ABCA12: variants seen among roughly 807,000 people sequenced by gnomAD.
ABCA12 encodes the protein ATP binding cassette subfamily A member 12.
ABCA12 carries 156 observed loss-of-function variants against 293.5 expected under a neutral mutation model. The observed-to-expected ratio is 0.53, with a 90% CI of 0.47 to 0.61. The LOEUF (loss-of-function observed/expected upper bound fraction) is 0.61. Ranked by LOEUF, ABCA12 falls within the 20% of genes least tolerant of loss-of-function variation. ABCA12 has a pLI of 0.00. For synonymous variants in ABCA12, 1,063 were observed against 1,108.0 expected (o/e 0.96, Z 0.81); for missense variants, 2,797 against 3,090.2 (o/e 0.91, Z 2.25).
At chr2:215,100,015 TC>T (rs1372980609) in intron 2 of ABCA12, among the ~76,000 whole-genome samples, 176 of 112,756 alleles carry the variant, frequency 1.6e-3, no homozygotes, top group African/African-American at 5.1e-3. Context: ...TCTCTCTCTC[TC>T]TTTTTTTTTT....
intron 21 of ABCA12, 35 bp from the exon 22 acceptor site, chr2:215,001,055 A>C: frequency 6.2e-7 from 1 of 1,602,506 alleles, no homozygotes; most frequent in Non-Finnish European, 8.5e-7. Flanking sequence ...CAGAAAGGTT[A>C]TTTTATGGTT....
intron 49 of ABCA12, 116 bp downstream of exon 49, chr2:214,944,885 A>G (rs1273580775): frequency 1.4e-6 from 1 of 735,420 alleles, no homozygotes; most frequent in African/African-American, 1.8e-5. Context: ...ATATATATAT[A>G]TACACACACA....
chr2:215,076,608 T>TTAAACATTTAAACATTTTA (rs1234700247), intron 2 of ABCA12, among the ~76,000 whole-genome samples: 1 of 152,120 alleles, frequency 6.6e-6, no homozygotes, highest in East Asian at 1.9e-4. Flanking sequence ...TGGCCACATT[T>TTAAACATTTAAACATTTTA]GACAAAGTTT....
Position 214,990,741 on chromosome 2 carries a change from T to G in ABCA12, c.3585A>C (p.Thr1195=). 1.2e-6 allele frequency: 2 copies of G among 1,614,064 alleles called. No homozygotes were observed. The highest frequency in any genetic ancestry group is 2.7e-5 in the African/African-American group (2 of 75,030). Residue 1195 remains threonine, a synonymous_variant, in exon 24 of 53, where the codon ACA becomes ACC. Coordinates refer to ENST00000272895, the MANE Select transcript of ABCA12 (RefSeq NM_173076.3). The part of the protein sequence containing the change: ...IAFFPFIVLV[T]VENELSYVLK... Reference sequence around the variant, plus strand: ...ATACATAGCTCAACTCATTCTCCACTGTAACCAGAACAATAAATGGAAAGA... The same window carrying G: ...ATACATAGCTCAACTCATTCTCCACGGTAACCAGAACAATAAATGGAAAGA...
chr2:214,965,074 A>G (rs192079027), intron 39 of ABCA12, among the ~76,000 whole-genome samples: 1 of 152,274 alleles, frequency 6.6e-6, no homozygotes, highest in East Asian at 1.9e-4. Context: ...ATAAGACCAC[A>G]TACCTACGAC....
chr2:214,975,653 T>C (rs1234210919), intron 34 of ABCA12, 132 bp downstream of exon 34: 1 of 1,269,550 alleles, frequency 7.9e-7, no homozygotes, highest in Non-Finnish European at 1.1e-6. Context: ...AAACTGTTCA[T>C]TCCTTTAGCA....
chr2:214,966,528 G>A (rs1464119264), intron 39 of ABCA12, among the ~76,000 whole-genome samples: 1 of 152,114 alleles, frequency 6.6e-6, no homozygotes, highest in Non-Finnish European at 1.5e-5. Flanking sequence ...TTTAAAAATT[G>A]TTTAGCCTAT....
At chr2:215,108,676 A>T (rs1361357594) in intron 2 of ABCA12, among the ~76,000 whole-genome samples, 1 of 152,224 alleles carries the variant, frequency 6.6e-6, no homozygotes, top group African/African-American at 2.4e-5. Context: ...AGCATAAAAG[A>T]CATACATGAG....
Position 215,001,660 on chromosome 2 carries a change from T to C in ABCA12, c.2761A>G (p.Ile921Val). The C allele has an allele frequency of 6.2e-7, 1 of 1,613,764 alleles. No individual in the cohort carries two copies. The highest frequency in any genetic ancestry group is 8.5e-7 in the Non-Finnish European group (1 of 1,179,806). Residue 921 changes from isoleucine (I) to valine (V), a missense_variant, in exon 21 of 53, where the codon ATT (isoleucine) becomes GTT (valine). Transcript: ENST00000272895. ...LNTLSSLTVN[I>V]SSCVLYDRIQ... ...CGGTCATATAATACACAAGAGGAAA[T>C]ATTTACTGTCAGGGAAGATAGTGTG...
At chr2:215,121,362 T>C (rs1419812011) in intron 1 of ABCA12, among the ~76,000 whole-genome samples, 1 of 152,246 alleles carries the variant, frequency 6.6e-6, no homozygotes, top group Non-Finnish European at 1.5e-5. Context: ...GAACTTTTTA[T>C]TGCAAACTTG....
intron 2 of ABCA12, among the ~76,000 whole-genome samples, chr2:215,110,085 C>T (rs769016648): frequency 1.3e-5 from 2 of 152,134 alleles, no homozygotes; most frequent in Non-Finnish European, 1.5e-5. Flanking sequence ...CAACAGTATA[C>T]GGTGGAGTCA....
At chr2:215,136,098 G>A (rs1158306455) in intron 1 of ABCA12, among the ~76,000 whole-genome samples, 4 of 152,100 alleles carry the variant, frequency 2.6e-5, no homozygotes, top group African/African-American at 9.7e-5. Flanking sequence ...AGACTTATCT[G>A]TTCTGGTTTC....
At chr2:214,965,331 G>C (rs1411126379) in intron 39 of ABCA12, among the ~76,000 whole-genome samples, 1 of 152,056 alleles carries the variant, frequency 6.6e-6, no homozygotes, top group Non-Finnish European at 1.5e-5. Flanking sequence ...AAAATTTCAT[G>C]ATGAAAATGC....
At chr2:214,945,949 A>G (rs1469169891) in intron 48 of ABCA12, among the ~76,000 whole-genome samples, 2 of 152,132 alleles carry the variant, frequency 1.3e-5, no homozygotes, top group Non-Finnish European at 2.9e-5. Flanking sequence ...AGGAGGATAG[A>G]GAGAGATTGG....
At chr2:215,057,932 A>T (rs1701451864) in intron 3 of ABCA12, among the ~76,000 whole-genome samples, 1 of 152,078 alleles carries the variant, frequency 6.6e-6, no homozygotes, top group Non-Finnish European at 1.5e-5. Flanking sequence ...AACATTGATT[A>T]CATTCTTATT....
At chr2:214,988,900 C>T (rs928382923) in intron 26 of ABCA12, among the ~76,000 whole-genome samples, 5 of 151,004 alleles carry the variant, frequency 3.3e-5, no homozygotes, top group African/African-American at 4.9e-5. Context: ...AGTTAAAGGC[C>T]GGGCATGGTG....
rs1699449739 is a variant in ABCA12 at position 214,973,980 on chromosome 2, A to G, written c.5531T>C (p.Phe1844Ser). 6.2e-7 allele frequency: 1 copy of G among 1,614,036 alleles called. No individual in the cohort carries two copies. The highest frequency in any genetic ancestry group is 8.5e-7 in the Non-Finnish European group (1 of 1,179,956). Reference sequence around the variant, plus strand: ...ATTTTCTGAGCAGGAGCAAACACCAAAATTAGTGATGGGTTCTCCACTGGT... The same window carrying G: ...ATTTTCTGAGCAGGAGCAAACACCAGAATTAGTGATGGGTTCTCCACTGGT... Reference protein sequence around the residue: ...WNTSGEPITNFGVCSCSENVQ... With the variant: ...WNTSGEPITNSGVCSCSENVQ... Residue 1844 changes from phenylalanine to serine, a missense_variant, in exon 36 of 53, where the codon TTT becomes TCT. Coordinates refer to ENST00000272895, the MANE Select transcript of ABCA12 (RefSeq NM_173076.3).
At chr2:215,116,750 G>A (rs1350181694) in intron 1 of ABCA12, among the ~76,000 whole-genome samples, 11 of 151,850 alleles carry the variant, frequency 7.2e-5, no homozygotes, top group East Asian at 1.9e-4. Context: ...GTGATGAAAC[G>A]GAAAAAAGCA....
chr2:215,043,397 A>G (rs560678922), intron 7 of ABCA12, among the ~76,000 whole-genome samples: 34 of 152,308 alleles, frequency 2.2e-4, no homozygotes, highest in African/African-American at 8.2e-4. Context: ...CAAAATATGC[A>G]ATAATTTTAT....
Sources: allele counts gnomAD v4.1 joint callset (sites outside exome capture counted in the v4.1 genomes callset), GRCh38; gene constraint gnomAD v4.1.1; transcripts MANE v1.5; gene names NCBI Gene and HGNC (gene_info 2026-07-23, HGNC 2026-07-21).